The following GP6 variants were observed in gnomAD, a reference collection of about 807,000 sequenced individuals.
GP6 encodes platelet glycoprotein VI.
Under a neutral mutation model 37.3 loss-of-function variants are expected in GP6, and 45 were observed. The observed-to-expected ratio is 1.21, with a 90% confidence interval of 0.95 to 1.55. GP6 has a LOEUF of 1.55. Among genes scored for constraint, GP6 ranks in the 40% most tolerant of loss-of-function variants. The pLI, the probability that GP6 is intolerant of heterozygous loss-of-function variation, is 0.00. For synonymous variants in GP6, 340 were observed against 316.4 expected, an observed-to-expected ratio of 1.07 and a Z score of -0.79; for missense variants, 813 against 760.2, an observed-to-expected ratio of 1.07 and a Z score of -0.82.
At chr19:55,026,056 C>T (rs970071950) in intron 4 of GP6, among the ~76,000 whole-genome samples, 21 of 149,948 alleles carry the variant, frequency 1.4e-4, no homozygotes, top group Admixed American at 1.1e-3. Flanking sequence ...CTGGCACATT[C>T]TGGGCTATTA....
intron 5 of GP6, among the ~76,000 whole-genome samples, chr19:55,018,987 T>C (rs567903122): frequency 6.6e-6 from 1 of 152,336 alleles, no homozygotes; most frequent in South Asian, 2.1e-4. Context: ...TACAGGTTTT[T>C]GTGTGAACAT....
intron 3 of GP6, among the ~76,000 whole-genome samples, chr19:55,031,196 G>T (rs934877889): frequency 1.3e-5 from 2 of 152,158 alleles, no homozygotes; most frequent in African/African-American, 4.8e-5. Context: ...AACATGAGGG[G>T]ATCCTGGGTG....
At chr19:55,032,456 C>T (rs768388261) in intron 2 of GP6, 50 bp downstream of exon 2, 3 of 1,613,114 alleles carry the variant, frequency 1.9e-6, no homozygotes, top group Non-Finnish European at 1.7e-6. Context: ...CCCCGCTGCT[C>T]CCGCGCTGGC....
chr19:55,015,103 G>A lies in GP6; in HGVS notation c.842C>T (p.Pro281Leu). The A allele has an allele frequency of 6.3e-7, 1 of 1,591,920 alleles. No homozygotes were observed. The highest frequency in any genetic ancestry group is 8.6e-7 in the Non-Finnish European group (1 of 1,169,370). ...GCCAGAAACCCCGCCAGGATTATTA[G>A]GATCACAGCCCCGAGGCATATCCGG... Residue 281 changes from proline (P) to leucine (L), a missense_variant, in exon 8 of 8, where the codon CCT becomes CTT. Pro to Leu is a moderately conservative substitution (Grantham distance 98). Transcript: ENST00000310373.
intron 5 of GP6, 200 bp from the exon 6 acceptor site, chr19:55,018,911 T>C: frequency 3.2e-6 from 2 of 627,746 alleles, no homozygotes; most frequent in Non-Finnish European, 5.7e-6. Context: ...CGTTCAGCAA[T>C]TGATAGACAC....
Position 55,021,520 on chromosome 19 carries a change from G to GGTTTTTTTTTTTTTTTTT in GP6, c.665-2810_665-2809insAAAAAAAAAAAAAAAAAC, listed in dbSNP as rs556854980. 2.4e-5 allele frequency among the ~76,000 whole-genome samples: 3 copies of GGTTTTTTTTTTTTTTTTT among 126,246 alleles called. 1 individual carries two copies. Among genetic ancestry groups the GGTTTTTTTTTTTTTTTTT allele is most frequent in the Admixed American group, 9.0e-5 (1 of 11,064 alleles). 82.8% of individuals were successfully genotyped at this position (126,246 alleles called of 152,430 possible). On this transcript the variant is annotated intron_variant, in intron 5 of 7. Transcript: ENST00000310373. The stretch of plus-strand genomic sequence containing the variant: ...ACCTGTTGTTTCTTGACTTTTGTTG[G>GGTTTTTTTTTTTTTTTTT]TTTTTTTTTTTTTTTTTTGAGATGG...
intron 3 of GP6, 104 bp downstream of exon 3, chr19:55,032,035 A>G (rs1410482363): frequency 4.4e-6 from 5 of 1,130,528 alleles, no homozygotes; most frequent in Non-Finnish European, 6.5e-6. Flanking sequence ...CCGCTAGGCC[A>G]GTGCCTCGTT....
chr19:55,014,519 GA>G lies in GP6; in HGVS notation c.1425del (p.Phe477LeufsTer24), dbSNP rs780995686. 6.8e-5 allele frequency: 110 copies of G among 1,613,844 alleles called. No individual in the cohort carries two copies. The highest frequency in any genetic ancestry group is 8.9e-5 in the Non-Finnish European group (105 of 1,179,846). On this transcript the variant is annotated frameshift_variant, in exon 8 of 8. Coordinates refer to ENST00000310373, the MANE Select transcript of GP6 (RefSeq NM_001083899.2). LOFTEE classifies it low-confidence loss of function (END_TRUNC). ...AGACAAGAGCACAGAGGGCCAAAGG[GA>G]AGCACGGGAGGATTTTGCACAGAGG... is the stretch of plus-strand genomic sequence containing the variant.
rs751011830 is a variant in GP6 at position 55,014,203 on chromosome 19, A to G, written c.1742T>C (p.Leu581Ser). ...ACTGCAACCTCTGCCTCCCAGGCTC[A>G]AGCCATTCTCCCACCTCAGCCCCCT... The change falls in exon 8 of 8, where the codon TTG becomes TCG. Residue 581 changes from leucine (L) to serine (S), a missense_variant. Coordinates refer to ENST00000310373, the MANE Select transcript of GP6 (RefSeq NM_001083899.2). The G allele has an allele frequency of 4.0e-6, 3 of 745,824 alleles. No homozygotes were observed. In the East Asian group the frequency reaches 7.7e-5, roughly 19 times the overall value. 46.2% of individuals were successfully genotyped at this position (745,824 alleles called of 1,614,324 possible).
At chr19:55,038,031 T>C (rs1282469649) in intron 1 of GP6, among the ~76,000 whole-genome samples, 172 bp downstream of exon 1, 1 of 152,164 alleles carries the variant, frequency 6.6e-6, no homozygotes, top group African/African-American at 2.4e-5. Context: ...GAATAACTCA[T>C]GCAAAATGCC....
Position 55,027,793 on chromosome 19 carries a change from A to G in GP6, c.395T>C (p.Leu132Pro), listed in dbSNP as rs1360498414. 1 of 1,613,906 alleles carries G rather than the reference A, an allele frequency of 6.2e-7. No individual in the cohort carries two copies. Among genetic ancestry groups the G allele is most frequent in the East Asian group, 2.2e-5 (1 of 44,898 alleles). ...AAAGCCATACCGAGTCTGACACTGT[A>G]GGGTTACGTCCCCTCCTGACGACAC... The change falls in exon 4 of 8, where the codon CTA (leucine) becomes CCA (proline). Residue 132 changes from leucine (L) to proline (P), a missense_variant. Coordinates refer to ENST00000310373, the MANE Select transcript of GP6 (RefSeq NM_001083899.2).
chr19:55,034,095 T>TATGTGTATGTAC (rs1182935841), intron 1 of GP6, among the ~76,000 whole-genome samples: 2 of 151,164 alleles, frequency 1.3e-5, no homozygotes, highest in South Asian at 4.2e-4. Flanking sequence ...TGTATGTACA[T>TATGTGTATGTAC]ATACACGTGT....
chr19:55,035,403 C>T (rs1382731188), intron 1 of GP6, among the ~76,000 whole-genome samples: 1 of 152,120 alleles, frequency 6.6e-6, no homozygotes, highest in Non-Finnish European at 1.5e-5. Context: ...TGTACACTTG[C>T]ATATCACCGA....
At chr19:55,017,638 G>A (rs938579268) in intron 6 of GP6, among the ~76,000 whole-genome samples, 3 of 152,120 alleles carry the variant, frequency 2.0e-5, no homozygotes, top group African/African-American at 7.2e-5. Context: ...ATGCGTGGAA[G>A]GTATGCAGAC....
At position 55,032,493 on chromosome 19, in the gene GP6, G is replaced by A. The variant is rs1388186431; in HGVS notation, c.67+13C>T. On this transcript the variant is annotated intron_variant, in intron 2 of 7. Transcript: ENST00000310373. ...GATCCCGCAGGAGGGAAGGGGTCTG[G>A]GGAAGGACTCACCACTCTGCGCTGG... 1.9e-6 allele frequency: 3 copies of A among 1,613,886 alleles called. No individual in the cohort carries two copies. Among genetic ancestry groups the A allele is most frequent in the East Asian group, 2.2e-5 (1 of 44,878 alleles).
At chr19:55,024,461 A>G (rs1267884694) in intron 5 of GP6, among the ~76,000 whole-genome samples, 1 of 151,614 alleles carries the variant, frequency 6.6e-6, no homozygotes, top group African/African-American at 2.4e-5. Context: ...ATCCTTATCA[A>G]CCTCGGCTCT....
At chr19:55,034,174 G>A (rs939345193) in intron 1 of GP6, among the ~76,000 whole-genome samples, 1,933 of 145,872 alleles carry the variant, frequency 0.013, 43 homozygotes, top group African/African-American at 0.046. Flanking sequence ...GTGTGTGTGT[G>A]TGTATACATA....
In GP6 at chr19:55,014,117, T is replaced by A; in HGVS notation, c.1828A>T (p.Asn610Tyr). 1.5e-6 allele frequency: 1 copy of A among 684,800 alleles called. No homozygotes were observed. Among genetic ancestry groups the A allele is most frequent in the African/African-American group, 1.8e-5 (1 of 57,074 alleles). The allele number at this position is 684,800 out of a possible 1,614,324, so 42.4% of individuals were successfully genotyped here. The change falls in exon 8 of 8, where the codon AAT (asparagine) becomes TAT (tyrosine). Residue 610 changes from asparagine (N) to tyrosine (Y), a missense_variant. By Grantham distance (143) the Asn-to-Tyr change is moderately radical. Transcript: ENST00000310373. The stretch of plus-strand genomic sequence containing the variant: ...GTAATTGACATATTCATCCCTGTAT[T>A]TTTTGAGACAAAGTCAGGCTTCGTC...
chr19:55,031,299 G>A (rs770244430), intron 3 of GP6, among the ~76,000 whole-genome samples: 13 of 152,190 alleles, frequency 8.5e-5, no homozygotes, highest in Admixed American at 3.9e-4. Context: ...AGCCAAGCAC[G>A]GTGGCCCGTG....
Sources: gnomAD v4.1 joint callset for allele counts (sites outside exome capture counted in the v4.1 genomes callset) on GRCh38, gnomAD v4.1.1 for gene constraint, MANE v1.5 for transcripts, NCBI Gene and HGNC (gene_info 2026-07-23, HGNC 2026-07-21) for gene names.